DPF3: variants seen among roughly 807,000 people sequenced by gnomAD.
The protein encoded by DPF3 is zinc finger protein DPF3.
A neutral mutation model predicts 56.8 loss-of-function variants in DPF3; 18 were observed. That is an observed-to-expected ratio of 0.32 (90% CI 0.22 to 0.47). The LOEUF (loss-of-function observed/expected upper bound fraction) is 0.47, where lower values mean the gene tolerates loss of function less well. Among genes scored for constraint, DPF3 ranks in the 20% least tolerant of loss-of-function variants. DPF3 has a pLI of 1.00. For synonymous variants in DPF3, 188 were observed against 180.2 expected, an observed-to-expected ratio of 1.04 and a Z score of -0.35; for missense variants, 403 against 488.8, an observed-to-expected ratio of 0.82 and a Z score of 1.65.
At chr14:72,744,193 G>C (rs1204001458) in intron 3 of DPF3, among the ~76,000 whole-genome samples, 1 of 152,182 alleles carries the variant, frequency 6.6e-6, no homozygotes, top group African/African-American at 2.4e-5. Flanking sequence ...CACTGAAGGG[G>C]TGAGGACAGC....
chr14:72,737,302 T>C (rs1599396640), intron 3 of DPF3, among the ~76,000 whole-genome samples: 1 of 151,638 alleles, frequency 6.6e-6, no homozygotes, highest in South Asian at 2.1e-4. Flanking sequence ...TCCTCTTGGG[T>C]GCAGATCAAA....
rs1308294819 is a variant in DPF3 at position 72,674,348 on chromosome 14, T to C, written c.763A>G (p.Thr255Ala). Residue 255 changes from threonine (T) to alanine (A), a missense_variant, in exon 8 of 11, where the codon ACA becomes GCA. By Grantham distance (58) the Thr-to-Ala change is moderately conservative. Around this residue, in one of 2 missense-constraint regions of DPF3, gnomAD observed 340 missense variants for 374.3 expected, o/e 0.91. Transcript: ENST00000556509. ...TCACAGTAGTTATTGGGAATGACTGTTCCATCCGGTCCTTTCTGGGCTGTG... is the reference window on the plus strand; with the variant it reads ...TCACAGTAGTTATTGGGAATGACTGCTCCATCCGGTCCTTTCTGGGCTGTG... The part of the protein sequence containing the change: ...NHRPQKGPDG[T>A]VIPNNYCDFC... 1.2e-6 allele frequency: 2 copies of C among 1,612,852 alleles called. No individual in the cohort carries two copies. The highest frequency in any genetic ancestry group is 4.5e-5 in the East Asian group (2 of 44,858).
At chr14:72,893,383 G>A (rs1484297773) in intron 1 of DPF3, among the ~76,000 whole-genome samples, 1 of 152,138 alleles carries the variant, frequency 6.6e-6, no homozygotes, top group East Asian at 1.9e-4. Flanking sequence ...ACGCTCGATC[G>A]CCCGGAGCGC....
rs537490682 is a variant in DPF3 at position 72,614,128 on chromosome 14, C to T, written c.*5169G>A. Among the ~76,000 whole-genome samples, 108 of 152,258 alleles carry T rather than the reference C, an allele frequency of 7.1e-4. No homozygotes were observed. Among genetic ancestry groups the T allele is most frequent in the Non-Finnish European group, 1.0e-3 (70 of 68,016 alleles). On this transcript the variant is annotated 3_prime_UTR_variant, in exon 11 of 11. Transcript: ENST00000556509. ...TGTTTCCACACTCAGGGCTGGTGGCCGTGGCCTCTGGCAGAGAATCATAAG... is the reference window on the plus strand; with the variant it reads ...TGTTTCCACACTCAGGGCTGGTGGCTGTGGCCTCTGGCAGAGAATCATAAG...
At position 72,809,974 on chromosome 14, in the gene DPF3, T is replaced by G. The variant is rs141900321; in HGVS notation, c.33-38081A>C. Among the ~76,000 whole-genome samples, 487 of 152,274 alleles carry G rather than the reference T, an allele frequency of 3.2e-3. 5 individuals are homozygous for G. The highest frequency in any genetic ancestry group is 0.011 in the African/African-American group (462 of 41,544). ...AAAGCGTCTGCTTCTTGGGGTTATT[T>G]AGAGAAATACATGAGAAAAAGGATG... On this transcript the variant is annotated intron_variant, in intron 1 of 10. Transcript: ENST00000556509.
chr14:72,657,728 T>C (rs982626391), intron 8 of DPF3, among the ~76,000 whole-genome samples: 3 of 152,224 alleles, frequency 2.0e-5, no homozygotes, highest in Non-Finnish European at 2.9e-5. Context: ...CAACTGCTTA[T>C]TTTTGTAAAT....
chr14:72,680,609 G>A (rs558796297), intron 7 of DPF3, among the ~76,000 whole-genome samples: 17 of 152,372 alleles, frequency 1.1e-4, no homozygotes, highest in African/African-American at 3.1e-4. Flanking sequence ...TGCGGAAGGC[G>A]CTGAGGCCAG....
Position 72,886,735 on chromosome 14 carries a change from C to CA in DPF3, c.32+7321dup, listed in dbSNP as rs150451748. 4.0e-5 allele frequency among the ~76,000 whole-genome samples: 6 copies of CA among 151,832 alleles called. No homozygotes were observed. The South Asian group carries it at 6.2e-4, about 16-fold the overall frequency. On this transcript the variant is annotated intron_variant, in intron 1 of 10. Transcript: ENST00000556509. ...CTCCTCCCCCTTCTCTTTATGCTTG[C>CA]AAAAAAACTGCCATGGAAGCTTTCC... is the stretch of plus-strand genomic sequence containing the variant.
Position 72,731,841 on chromosome 14 carries a change from T to A in DPF3, c.395A>T (p.Asp132Val). The A allele has an allele frequency of 1.9e-6, 3 of 1,613,380 alleles. No individual in the cohort carries two copies. Among genetic ancestry groups the A allele is most frequent in the South Asian group, 2.2e-5 (2 of 90,734 alleles). The change falls in exon 4 of 11, where the codon GAT becomes GTT. Residue 132 changes from aspartate (D) to valine (V), a missense_variant. Asp to Val is a radical substitution (Grantham distance 152). Coordinates refer to ENST00000556509, the MANE Select transcript of DPF3 (RefSeq NM_001280542.3). ...LRGEGVEKKV[D>V]AREEESIQEI... ...CTGGATGCTTTCCTCCTCCCTGGCA[T>A]CCACCTTCTTCTCAACCCCCTCGCC...
At chr14:72,627,971 G>C (rs539651706) in intron 9 of DPF3, among the ~76,000 whole-genome samples, 1 of 152,170 alleles carries the variant, frequency 6.6e-6, no homozygotes, top group Non-Finnish European at 1.5e-5. Flanking sequence ...ATGTGTGTTA[G>C]TTTTATAATC....
chr14:72,779,831 T>C (rs181451474), intron 1 of DPF3, among the ~76,000 whole-genome samples: 6 of 152,364 alleles, frequency 3.9e-5, no homozygotes, highest in African/African-American at 9.6e-5. Flanking sequence ...ACACTCACTA[T>C]TGCGGTGTCC....
At chr14:72,812,633 G>A (rs116801652) in intron 1 of DPF3, among the ~76,000 whole-genome samples, 2,723 of 152,204 alleles carry the variant, frequency 0.018, 81 homozygotes, top group African/African-American at 0.062. Context: ...CGCTGGGCCC[G>A]GTGGGCAGGG....
intron 4 of DPF3, among the ~76,000 whole-genome samples, chr14:72,727,717 G>A (rs1008121963): frequency 1.9e-4 from 29 of 151,844 alleles, no homozygotes; most frequent in African/African-American, 6.5e-4. Context: ...TGTCACATTC[G>A]AATATGAGTA....
chr14:72,705,275 T>C (rs1004413092), intron 6 of DPF3, among the ~76,000 whole-genome samples: 4 of 152,016 alleles, frequency 2.6e-5, no homozygotes, highest in African/African-American at 9.7e-5. Context: ...GAGATCTAGG[T>C]TGCACACTCC....
chr14:72,781,118 T>G (rs1335580998), intron 1 of DPF3, among the ~76,000 whole-genome samples: 1 of 152,232 alleles, frequency 6.6e-6, no homozygotes, highest in Non-Finnish European at 1.5e-5. Flanking sequence ...CCACCATGTT[T>G]GAATGGCAGA....
At chr14:72,875,720 C>T (rs1427763646) in intron 1 of DPF3, among the ~76,000 whole-genome samples, 2 of 152,178 alleles carry the variant, frequency 1.3e-5, no homozygotes, top group African/African-American at 4.8e-5. Context: ...ACCCTAAGGA[C>T]TTGTGTAACC....
intron 3 of DPF3, among the ~76,000 whole-genome samples, chr14:72,747,735 G>T (rs1050733737): frequency 6.6e-6 from 1 of 152,100 alleles, no homozygotes; most frequent in South Asian, 2.1e-4. Flanking sequence ...AGTGGGAGAT[G>T]ATCAAATCAT....
chr14:72,861,530 G>A (rs1246145975), intron 1 of DPF3, among the ~76,000 whole-genome samples: 1 of 152,026 alleles, frequency 6.6e-6, no homozygotes, highest in African/African-American at 2.4e-5. Flanking sequence ...TTCCCTGCCA[G>A]AGATAACTTA....
intron 10 of DPF3, 97 bp downstream of exon 10, chr14:72,619,806 C>A: frequency 8.7e-7 from 1 of 1,143,738 alleles, no homozygotes; most frequent in Non-Finnish European, 1.2e-6. Context: ...AACATGTAAA[C>A]CCATTAGCAT....
Sources: gnomAD v4.1 joint callset for allele counts (sites outside exome capture counted in the v4.1 genomes callset) on GRCh38, gnomAD v4.1.1 for gene constraint, gnomAD v4.1.1 regional missense constraint, MANE v1.5 for transcripts, NCBI Gene and HGNC (gene_info 2026-07-23, HGNC 2026-07-21) for gene names.